The following PLB1 variants were observed in gnomAD, a reference collection of about 807,000 sequenced individuals.
PLB1 encodes phospholipase B1.
A neutral mutation model predicts 227.4 loss-of-function variants in PLB1; 242 were observed. The ratio of observed to expected loss-of-function variants is 1.06; its 90% confidence interval spans 0.96 to 1.18. The LOEUF (loss-of-function observed/expected upper bound fraction) is 1.18, where lower values mean the gene tolerates loss of function less well. Among genes scored for constraint, PLB1 ranks in the 50% most tolerant of loss-of-function variants. The pLI, the probability that PLB1 is intolerant of heterozygous loss-of-function variation, is 0.00. For synonymous variants in PLB1, 757 were observed against 682.2 expected (o/e 1.11, Z -1.71); for missense variants, 1,858 against 1,816.3 (o/e 1.02, Z -0.42).
chr2:28,519,722 T>G lies in PLB1; in HGVS notation c.202T>G (p.Ser68Ala). The G allele has an allele frequency of 6.2e-7, 1 of 1,611,444 alleles. No individual in the cohort carries two copies. Among genetic ancestry groups the G allele is most frequent in the Non-Finnish European group, 8.5e-7 (1 of 1,177,796 alleles). ...CTCCACAGTTCACTCTCTGAAGCCT[T>G]CTGATATTAAATTTGTGGCAGCCAT... is the stretch of plus-strand genomic sequence containing the variant. ...PSKSVHSLKP[S>A]DIKFVAAIGN... Residue 68 changes from serine (S) to alanine (A), a missense_variant, in exon 4 of 58, where the codon TCT (serine) becomes GCT (alanine). Coordinates refer to ENST00000327757, the MANE Select transcript of PLB1 (RefSeq NM_153021.5).
In PLB1 at chr2:28,559,251, G is replaced by A. The variant is rs544563102; in HGVS notation, c.1148-3790G>A. ...TGGACTGGCAGCATCAGCATTACCTGGAAACTTGTTGGAAATGCAAATCCT... is the reference window on the plus strand; with the variant it reads ...TGGACTGGCAGCATCAGCATTACCTAGAAACTTGTTGGAAATGCAAATCCT... On this transcript the variant is annotated intron_variant, in intron 17 of 57. Coordinates refer to ENST00000327757, the MANE Select transcript of PLB1 (RefSeq NM_153021.5). Among the ~76,000 whole-genome samples, 7 of 152,278 alleles carry A rather than the reference G, an allele frequency of 4.6e-5. No homozygotes were observed. The South Asian group carries it at 1.5e-3, about 32-fold the overall frequency.
chr2:28,581,095 A>G (rs1679854662), intron 23 of PLB1, among the ~76,000 whole-genome samples: 1 of 152,176 alleles, frequency 6.6e-6, no homozygotes, highest in African/African-American at 2.4e-5. Context: ...CATATGTTCC[A>G]TACAGCAGGG....
chr2:28,524,844 CTTT>C (rs779955635), intron 4 of PLB1, among the ~76,000 whole-genome samples: 4 of 106,576 alleles, frequency 3.8e-5, no homozygotes, highest in African/African-American at 3.9e-5. Flanking sequence ...CTCTCTCTCT[CTTT>C]TTTTTTTTTT....
In PLB1 at chr2:28,529,424, T is replaced by C; in HGVS notation, c.416+17T>C. ...TGGTGCTGAGTAAGTTCCCTTTCTGTCTCTCTCTGAGGTTATGTGTTCCTA... is the reference window on the plus strand; with the variant it reads ...TGGTGCTGAGTAAGTTCCCTTTCTGCCTCTCTCTGAGGTTATGTGTTCCTA... On this transcript the variant is annotated intron_variant, in intron 7 of 57. Transcript: ENST00000327757. 1.3e-6 allele frequency: 2 copies of C among 1,562,660 alleles called. No individual in the cohort carries two copies. Among genetic ancestry groups the C allele is most frequent in the Non-Finnish European group, 1.8e-6 (2 of 1,133,498 alleles).
chr2:28,603,036 C>A, intron 39 of PLB1, 115 bp downstream of exon 39: 2 of 887,964 alleles, frequency 2.3e-6, no homozygotes, highest in Non-Finnish European at 3.5e-6. Context: ...GTGTCCAAGT[C>A]TGTAAAGGAG....
At chr2:28,501,138 T>G (rs1298276618) in intron 1 of PLB1, among the ~76,000 whole-genome samples, 1 of 152,170 alleles carries the variant, frequency 6.6e-6, no homozygotes, top group South Asian at 2.1e-4. Flanking sequence ...TCCAATAAAT[T>G]TATAAAGTTA....
At chr2:28,539,530 C>T (rs749113710) in intron 11 of PLB1, among the ~76,000 whole-genome samples, 3 of 152,168 alleles carry the variant, frequency 2.0e-5, no homozygotes, top group Non-Finnish European at 2.9e-5. Flanking sequence ...GATAGAAAAA[C>T]GTAGCCTAAA....
chr2:28,509,196 G>A (rs902787408), intron 1 of PLB1, among the ~76,000 whole-genome samples: 2 of 152,154 alleles, frequency 1.3e-5, no homozygotes, highest in Admixed American at 1.3e-4. Flanking sequence ...ATAAGTATAC[G>A]AACATCAAGG....
intron 4 of PLB1, among the ~76,000 whole-genome samples, 157 bp from the exon 5 acceptor site, chr2:28,525,110 C>G (rs1670055531): frequency 6.6e-6 from 1 of 152,082 alleles, no homozygotes; most frequent in Non-Finnish European, 1.5e-5. Flanking sequence ...CTCAGCCTCC[C>G]AAAGTGCTGG....
At chr2:28,638,605 C>A (rs552843114) in intron 56 of PLB1, among the ~76,000 whole-genome samples, 1 of 151,900 alleles carries the variant, frequency 6.6e-6, no homozygotes, top group Admixed American at 6.6e-5. Flanking sequence ...CTGTCGTGGG[C>A]TGGCGGATGG....
chr2:28,525,768 C>A (rs1670164899), intron 5 of PLB1, 137 bp from the exon 6 acceptor site: 4 of 1,068,410 alleles, frequency 3.7e-6, no homozygotes, highest in Admixed American at 2.3e-5. Context: ...GTGCCTATAA[C>A]CCCTGGGAGG....
rs1371843207 is a variant in PLB1 at position 28,620,582 on chromosome 2, A to G, written c.3384-18A>G. On this transcript the variant is annotated intron_variant, in intron 47 of 57. Coordinates refer to ENST00000327757, the MANE Select transcript of PLB1 (RefSeq NM_153021.5). ...GCATGTTGGTGTGAGTTTAACAAAT[A>G]TGCTTTCTCCTCCCCAGCATTGGAG... 1.9e-6 allele frequency: 3 copies of G among 1,609,662 alleles called. No homozygotes were observed. The highest frequency in any genetic ancestry group is 2.2e-5 in the East Asian group (1 of 44,812).
At chr2:28,557,323 A>G (rs1306053022) in intron 17 of PLB1, among the ~76,000 whole-genome samples, 1 of 152,196 alleles carries the variant, frequency 6.6e-6, no homozygotes, top group Non-Finnish European at 1.5e-5. Flanking sequence ...GGAAACTCAC[A>G]CCGAAGACTC....
At chr2:28,616,178 A>G (rs888985820) in intron 44 of PLB1, among the ~76,000 whole-genome samples, 2 of 152,226 alleles carry the variant, frequency 1.3e-5, no homozygotes, top group African/African-American at 2.4e-5. Flanking sequence ...TAGGGTGACT[A>G]TAGTTAACAG....
At chr2:28,538,594 A>T (rs1388880164) in intron 10 of PLB1, among the ~76,000 whole-genome samples, 1 of 151,752 alleles carries the variant, frequency 6.6e-6, no homozygotes, top group African/African-American at 2.4e-5. Flanking sequence ...TCTGAGAGAA[A>T]CTCGGCTCTT....
At chr2:28,629,218 G>A (rs1017026234) in intron 53 of PLB1, 33 bp downstream of exon 53, 2 of 1,600,202 alleles carry the variant, frequency 1.2e-6, no homozygotes, top group Admixed American at 1.7e-5. Context: ...CAAGGCAAGG[G>A]CACCTGGGGT....
intron 6 of PLB1, 106 bp downstream of exon 6, chr2:28,526,051 T>A: frequency 8.0e-7 from 1 of 1,249,750 alleles, no homozygotes; most frequent in African/African-American, 1.5e-5. Flanking sequence ...ACTTTATCAC[T>A]GGAGCCCAGG....
chr2:28,587,373 TG>T (rs1203565664), intron 26 of PLB1, among the ~76,000 whole-genome samples: 5 of 152,280 alleles, frequency 3.3e-5, no homozygotes, highest in Admixed American at 1.3e-4. Context: ...CCCAGCACTT[TG>T]GGAGACCAAG....
At chr2:28,606,035 G>C in intron 42 of PLB1, 87 bp downstream of exon 42, 1 of 1,028,012 alleles carries the variant, frequency 9.7e-7, no homozygotes, top group East Asian at 2.4e-5. Flanking sequence ...TTGCAAGTGA[G>C]GCTGAGGGGG....
Sources: gnomAD v4.1 joint callset for allele counts (sites outside exome capture counted in the v4.1 genomes callset) on GRCh38, gnomAD v4.1.1 for gene constraint, MANE v1.5 for transcripts, NCBI Gene and HGNC (gene_info 2026-07-23, HGNC 2026-07-21) for gene names.